Variants in FAM107B observed in about 807,000 individuals in gnomAD.
The protein encoded by FAM107B is family with sequence similarity 107 member B.
FAM107B carries 21 observed loss-of-function variants against 31.5 expected under a neutral mutation model. The observed-to-expected ratio is 0.67, with a 90% confidence interval of 0.47 to 0.96. FAM107B has a LOEUF of 0.96. Among genes scored for constraint, FAM107B ranks in the 40% least tolerant of loss-of-function variants. The pLI is 0.00. For missense variants in FAM107B, 452 were observed against 377.1 expected (o/e 1.20, Z -1.64); for synonymous variants, 157 against 141.5 (o/e 1.11, Z -0.78).
intron 1 of FAM107B, among the ~76,000 whole-genome samples, chr10:14,725,218 A>G (rs1329575575): frequency 6.6e-6 from 1 of 152,086 alleles, no homozygotes; most frequent in Non-Finnish European, 1.5e-5. Flanking sequence ...GGCTTATGAG[A>G]TGGCTGAGTT....
intron 2 of FAM107B, among the ~76,000 whole-genome samples, chr10:14,603,317 T>C (rs935270418): frequency 3.9e-5 from 6 of 152,160 alleles, no homozygotes; most frequent in Non-Finnish European, 7.3e-5. Flanking sequence ...ATGTACTTGA[T>C]AGCAAGAAAT....
chr10:14,741,697 CT>C (rs1311688125), intron 1 of FAM107B, among the ~76,000 whole-genome samples: 4 of 147,900 alleles, frequency 2.7e-5, no homozygotes, highest in Non-Finnish European at 5.9e-5. Context: ...CTCTCCTCGA[CT>C]TTCCATGCAT....
chr10:14,548,639 A>C, intron 2 of FAM107B: 1 of 985,432 alleles, frequency 1.0e-6, no homozygotes, highest in Non-Finnish European at 1.2e-6. Context: ...TCCAGCTGCG[A>C]AGGCAGGCAC....
At chr10:14,596,125 T>C (rs577921408) in intron 2 of FAM107B, among the ~76,000 whole-genome samples, 1 of 152,288 alleles carries the variant, frequency 6.6e-6, no homozygotes, top group East Asian at 1.9e-4. Flanking sequence ...CATAGCAAGC[T>C]CCTGCCAGCC....
At chr10:14,593,386 C>G (rs1369833431) in intron 2 of FAM107B, among the ~76,000 whole-genome samples, 1 of 152,142 alleles carries the variant, frequency 6.6e-6, no homozygotes, top group Non-Finnish European at 1.5e-5. Context: ...CAGTGTAACA[C>G]TAATTCTTAT....
At chr10:14,679,537 G>A (rs747772056) in intron 1 of FAM107B, among the ~76,000 whole-genome samples, 6 of 152,196 alleles carry the variant, frequency 3.9e-5, no homozygotes, top group African/African-American at 1.4e-4. Flanking sequence ...GTGAGATAGC[G>A]GGACTATCAT....
chr10:14,641,116 G>A (rs1853616633), intron 2 of FAM107B, among the ~76,000 whole-genome samples: 1 of 152,162 alleles, frequency 6.6e-6, no homozygotes, highest in Non-Finnish European at 1.5e-5. Flanking sequence ...TTCACCAAAT[G>A]TGTTTGCTTA....
chr10:14,694,034 T>C (rs1855208127), intron 1 of FAM107B, among the ~76,000 whole-genome samples: 1 of 152,224 alleles, frequency 6.6e-6, no homozygotes, highest in Admixed American at 6.5e-5. Context: ...ATCTGTGTTG[T>C]GGTAAAGGGC....
intron 2 of FAM107B, among the ~76,000 whole-genome samples, chr10:14,666,091 C>T (rs1054596656): frequency 6.6e-6 from 1 of 152,054 alleles, no homozygotes; most frequent in Non-Finnish European, 1.5e-5. Context: ...GCTAGGGATG[C>T]CATTAAACAA....
chr10:14,547,967 G>A (rs1407107341), intron 2 of FAM107B, among the ~76,000 whole-genome samples: 6 of 152,168 alleles, frequency 3.9e-5, no homozygotes, highest in Non-Finnish European at 8.8e-5. Flanking sequence ...CCATGGCCCC[G>A]GCCCTTTTAA....
At chr10:14,769,617 T>A (rs1201214704) in intron 1 of FAM107B, among the ~76,000 whole-genome samples, 1 of 152,072 alleles carries the variant, frequency 6.6e-6, no homozygotes, top group African/African-American at 2.4e-5. Flanking sequence ...AACTCCTGAC[T>A]TCGTGATTCA....
intron 1 of FAM107B, among the ~76,000 whole-genome samples, chr10:14,692,544 C>T (rs182385616): frequency 0.014 from 2,119 of 152,216 alleles, 23 homozygotes; most frequent in Non-Finnish European, 0.021. Context: ...ATATTTAAGA[C>T]CCATTGATGC....
At chr10:14,685,520 A>C (rs7914311) in intron 1 of FAM107B, among the ~76,000 whole-genome samples, 106,046 of 151,852 alleles carry the variant, frequency 0.7, 37,272 homozygotes, top group Middle Eastern at 0.8. Flanking sequence ...ATCCCCACAG[A>C]CACACAACCA....
intron 2 of FAM107B, among the ~76,000 whole-genome samples, chr10:14,531,543 A>G (rs55657865): frequency 0.12 from 17,992 of 147,126 alleles, 1,139 homozygotes; most frequent in Non-Finnish European, 0.16. Flanking sequence ...AGAAAAGAAA[A>G]AAAAAAAAAA....
At chr10:14,656,003 G>T (rs1854043399) in intron 2 of FAM107B, among the ~76,000 whole-genome samples, 2 of 152,142 alleles carry the variant, frequency 1.3e-5, no homozygotes, top group African/African-American at 4.8e-5. Flanking sequence ...GAGGGGCTGG[G>T]TGCTGAGTGT....
At chr10:14,572,454 A>G (rs1851293347) in intron 2 of FAM107B, 2 of 965,794 alleles carry the variant, frequency 2.1e-6, no homozygotes, top group African/African-American at 1.8e-5. Context: ...CAACACCTAC[A>G]GCATGGAGGC....
intron 2 of FAM107B, among the ~76,000 whole-genome samples, chr10:14,584,267 A>G (rs1003749951): frequency 2.0e-4 from 31 of 152,194 alleles, no homozygotes; most frequent in Admixed American, 1.1e-3. Flanking sequence ...AAGAGACACA[A>G]AGATGAGGAT....
intron 1 of FAM107B, among the ~76,000 whole-genome samples, chr10:14,710,734 T>C (rs1422052504): frequency 6.6e-6 from 1 of 152,082 alleles, no homozygotes; most frequent in Non-Finnish European, 1.5e-5. Context: ...AAATAAATTT[T>C]TTTAAAAAGA....
chr10:14,559,573 CTT>C (rs113934155), intron 2 of FAM107B, among the ~76,000 whole-genome samples: 5 of 143,784 alleles, frequency 3.5e-5, no homozygotes, highest in African/African-American at 5.1e-5. Context: ...TTTCAGAGGA[CTT>C]TTTTTTTTTT....
Sources: gnomAD v4.1 joint callset for allele counts (sites outside exome capture counted in the v4.1 genomes callset) on GRCh38, gnomAD v4.1.1 for gene constraint, MANE v1.5 for transcripts, NCBI Gene and HGNC (gene_info 2026-07-23, HGNC 2026-07-21) for gene names.